Variants in NRG1 observed in about 807,000 individuals in gnomAD.
NRG1 encodes pro-neuregulin-1, membrane-bound isoform.
NRG1 carries 18 observed loss-of-function variants against 63.8 expected under a neutral mutation model. The observed-to-expected ratio is 0.28, with a 90% CI of 0.19 to 0.42. NRG1 has a LOEUF of 0.42. Ranked by LOEUF, NRG1 falls within the 10% of genes least tolerant of loss-of-function variation. The pLI, the probability that NRG1 is intolerant of heterozygous loss-of-function variation, is 1.00. For synonymous variants in NRG1, 302 were observed against 301.3 expected (o/e 1.00, Z -0.02); for missense variants, 762 against 814.7 (o/e 0.94, Z 0.79).
At chr8:32,747,732 G>GTGTGTATATATATA (rs1264111970) in intron 7 of NRG1, among the ~76,000 whole-genome samples, 3 of 132,122 alleles carry the variant, frequency 2.3e-5, no homozygotes, top group East Asian at 2.3e-4. Flanking sequence ...ATGTGTGTGT[G>GTGTGTATATATATA]TATATATATA....
chr8:32,435,562 A>G (rs2347500), intron 1 of NRG1, among the ~76,000 whole-genome samples: 10,243 of 152,190 alleles, frequency 0.067, 1,131 homozygotes, highest in East Asian at 0.58. Flanking sequence ...CTAGTGAGCT[A>G]TTGTATTTGT....
At chr8:32,039,418 C>T (rs1819576408) in intron 1 of NRG1, among the ~76,000 whole-genome samples, 1 of 152,090 alleles carries the variant, frequency 6.6e-6, no homozygotes, top group Non-Finnish European at 1.5e-5. Flanking sequence ...GGTATGTTTG[C>T]TTAGTCTCTC....
chr8:32,215,050 G>C (rs1845072558), intron 1 of NRG1, among the ~76,000 whole-genome samples: 1 of 152,154 alleles, frequency 6.6e-6, no homozygotes, highest in African/African-American at 2.4e-5. Flanking sequence ...AGTCAAATTG[G>C]AATTTCAGAT....
chr8:31,735,675 CT>C (rs1814586788), intron 1 of NRG1, among the ~76,000 whole-genome samples: 1 of 152,276 alleles, frequency 6.6e-6, no homozygotes, highest in East Asian at 1.9e-4. Context: ...TGATGTAAAT[CT>C]ATATATTTGC....
chr8:31,727,159 A>C (rs1813535399), intron 1 of NRG1, among the ~76,000 whole-genome samples: 2 of 152,182 alleles, frequency 1.3e-5, no homozygotes. Flanking sequence ...AGTTCCCTAC[A>C]TTTAAGGAGC....
At chr8:31,690,987 C>T (rs542649234) in intron 1 of NRG1, among the ~76,000 whole-genome samples, 2 of 151,966 alleles carry the variant, frequency 1.3e-5, no homozygotes, top group South Asian at 2.1e-4. Flanking sequence ...GCTGAGTGAA[C>T]GAAGAGACTG....
At chr8:32,021,260 G>C (rs1023012989) in intron 1 of NRG1, among the ~76,000 whole-genome samples, 2 of 151,470 alleles carry the variant, frequency 1.3e-5, no homozygotes, top group African/African-American at 2.4e-5. Flanking sequence ...TCTGCAGGCT[G>C]AGAAGTTCAA....
chr8:32,567,968 A>G (rs1173215540), intron 1 of NRG1, among the ~76,000 whole-genome samples: 2 of 152,148 alleles, frequency 1.3e-5, no homozygotes, highest in South Asian at 2.1e-4. Context: ...AAGTGACTGG[A>G]CTCCAGTAAT....
intron 1 of NRG1, among the ~76,000 whole-genome samples, chr8:31,938,904 G>T (rs1217891475): frequency 6.6e-6 from 1 of 152,138 alleles, no homozygotes; most frequent in Non-Finnish European, 1.5e-5. Context: ...GCTCCAAGAA[G>T]TTTGGGACTA....
intron 1 of NRG1, among the ~76,000 whole-genome samples, chr8:32,531,646 G>A (rs898039433): frequency 2.6e-5 from 4 of 152,144 alleles, no homozygotes; most frequent in Non-Finnish European, 5.9e-5. Flanking sequence ...TGCAACTTAC[G>A]AAATGGTATT....
At chr8:32,431,805 A>G (rs1237601034) in intron 1 of NRG1, among the ~76,000 whole-genome samples, 1 of 152,106 alleles carries the variant, frequency 6.6e-6, no homozygotes, top group Non-Finnish European at 1.5e-5. Context: ...CAGCAATAAC[A>G]ACTTGAGTCG....
chr8:32,713,561 C>T (rs1818348104), intron 5 of NRG1, among the ~76,000 whole-genome samples: 1 of 151,066 alleles, frequency 6.6e-6, no homozygotes, highest in African/African-American at 2.4e-5. Context: ...ATACATCCAC[C>T]ATCAGATTTT....
chr8:32,312,950 T>C (rs1199965937), intron 1 of NRG1, among the ~76,000 whole-genome samples: 1 of 152,132 alleles, frequency 6.6e-6, no homozygotes, highest in Non-Finnish European at 1.5e-5. Context: ...GGTCAGGAGT[T>C]TAAGACCAGC....
At chr8:32,553,245 A>G (rs1438084851) in intron 1 of NRG1, among the ~76,000 whole-genome samples, 1 of 152,222 alleles carries the variant, frequency 6.6e-6, no homozygotes, top group Non-Finnish European at 1.5e-5. Context: ...ATAATCCATG[A>G]AAAGCACTCT....
At chr8:32,351,698 C>T (rs937025955) in intron 1 of NRG1, among the ~76,000 whole-genome samples, 2 of 152,134 alleles carry the variant, frequency 1.3e-5, no homozygotes, top group African/African-American at 4.8e-5. Context: ...ACCAGAAAAC[C>T]TCCTTTTTAA....
intron 1 of NRG1, among the ~76,000 whole-genome samples, chr8:31,689,094 T>C (rs1008886807): frequency 7.2e-5 from 11 of 152,222 alleles, no homozygotes; most frequent in African/African-American, 2.7e-4. Flanking sequence ...CATCTTCCAC[T>C]TCAAGAATCC....
At chr8:31,961,769 A>C (rs888398962) in intron 1 of NRG1, among the ~76,000 whole-genome samples, 1 of 152,186 alleles carries the variant, frequency 6.6e-6, no homozygotes, top group Admixed American at 6.5e-5. Flanking sequence ...TAAGATTCAT[A>C]AACAATTATA....
At chr8:31,666,000 GT>G (rs1806501434) in intron 1 of NRG1, among the ~76,000 whole-genome samples, 1 of 152,134 alleles carries the variant, frequency 6.6e-6, no homozygotes, top group Non-Finnish European at 1.5e-5. Context: ...CTGAAATACA[GT>G]TTTTAAATGT....
chr8:31,855,469 A>G (rs1827759521), intron 1 of NRG1, among the ~76,000 whole-genome samples: 1 of 151,922 alleles, frequency 6.6e-6, no homozygotes, highest in South Asian at 2.1e-4. Flanking sequence ...TGCTTGGTAG[A>G]TCTTCCTCCA....
Sources: gnomAD v4.1 joint callset for allele counts (sites outside exome capture counted in the v4.1 genomes callset) on GRCh38, gnomAD v4.1.1 for gene constraint, MANE v1.5 for transcripts, NCBI Gene and HGNC (gene_info 2026-07-23, HGNC 2026-07-21) for gene names.